The following GNG12 variants were observed in gnomAD, a reference collection of about 807,000 sequenced individuals.
The protein encoded by GNG12 is G protein subunit gamma 12, also known as guanine nucleotide-binding protein G(I)/G(S)/G(O) subunit gamma-12.
For synonymous variants in GNG12, 28 were observed against 29.7 expected (o/e 0.94, Z 0.19); for missense variants, 69 against 83.8 (o/e 0.82, Z 0.69).
chr1:67,729,359 C>T (rs1646405853), intron 2 of GNG12, among the ~76,000 whole-genome samples: 1 of 152,206 alleles, frequency 6.6e-6, no homozygotes, highest in Non-Finnish European at 1.5e-5. Flanking sequence ...CCTTCCTCTA[C>T]ACAGGAGGCC....
chr1:67,830,900 T>C (rs1260297231), intron 1 of GNG12, among the ~76,000 whole-genome samples: 2 of 152,172 alleles, frequency 1.3e-5, no homozygotes, highest in Non-Finnish European at 2.9e-5. Context: ...TAGATAAATA[T>C]CTAATAATTT....
intron 2 of GNG12, among the ~76,000 whole-genome samples, chr1:67,761,477 T>C (rs911554149): frequency 5.3e-5 from 8 of 152,156 alleles, no homozygotes; most frequent in Non-Finnish European, 8.8e-5. Context: ...CAGGCTCTCA[T>C]GAAGGGAATG....
chr1:67,777,537 A>T, intron 1 of GNG12, 30 bp from the exon 2 acceptor site: 1 of 524,704 alleles, frequency 1.9e-6, no homozygotes, highest in Non-Finnish European at 2.4e-6. Context: ...ACATTCCATA[A>T]GTAAATCACA....
At chr1:67,802,969 G>A (rs1442342227) in intron 1 of GNG12, among the ~76,000 whole-genome samples, 1 of 152,236 alleles carries the variant, frequency 6.6e-6, no homozygotes, top group Admixed American at 6.5e-5. Flanking sequence ...GCTAAGAGGT[G>A]TTAAGAGAGA....
At chr1:67,721,866 C>T (rs530501984) in intron 2 of GNG12, among the ~76,000 whole-genome samples, 1 of 152,208 alleles carries the variant, frequency 6.6e-6, no homozygotes, top group East Asian at 1.9e-4. Context: ...CATCAGCATT[C>T]CTGCTCTCTG....
At chr1:67,787,036 AGTGTGT>A (rs56084524) in intron 1 of GNG12, among the ~76,000 whole-genome samples, 1,371 of 131,404 alleles carry the variant, frequency 0.01, 8 homozygotes, top group African/African-American at 0.026. Flanking sequence ...TATGTGTATA[AGTGTGT>A]GTGTGTGTGT....
At chr1:67,828,532 G>A (rs1647024172) in intron 1 of GNG12, among the ~76,000 whole-genome samples, 1 of 152,182 alleles carries the variant, frequency 6.6e-6, no homozygotes, top group African/African-American at 2.4e-5. Flanking sequence ...GAGCAAGACT[G>A]TATACGGGAA....
chr1:67,765,144 T>C (rs1256789416), intron 2 of GNG12, among the ~76,000 whole-genome samples: 1 of 151,966 alleles, frequency 6.6e-6, no homozygotes, highest in Non-Finnish European at 1.5e-5. Flanking sequence ...ACTGAAAAAA[T>C]AACTTATAAT....
chr1:67,763,585 T>C (rs1438500221), intron 2 of GNG12, among the ~76,000 whole-genome samples: 8 of 151,484 alleles, frequency 5.3e-5, no homozygotes, highest in Admixed American at 1.3e-4. Flanking sequence ...CAAGTTAGAG[T>C]GCAGTGGTGC....
At chr1:67,751,771 T>C (rs1190845789) in intron 2 of GNG12, among the ~76,000 whole-genome samples, 1 of 152,210 alleles carries the variant, frequency 6.6e-6, no homozygotes, top group Non-Finnish European at 1.5e-5. Context: ...GAAAGAGTTA[T>C]CATGCAGATG....
chr1:67,757,715 G>A (rs1345743882), intron 2 of GNG12, among the ~76,000 whole-genome samples: 6 of 152,126 alleles, frequency 3.9e-5, no homozygotes, highest in Non-Finnish European at 8.8e-5. Flanking sequence ...CCTTTGATAT[G>A]TGTGATTTTG....
intron 1 of GNG12, among the ~76,000 whole-genome samples, chr1:67,780,966 T>C (rs1373206620): frequency 1.3e-5 from 2 of 152,234 alleles, no homozygotes; most frequent in Non-Finnish European, 2.9e-5. Flanking sequence ...ATTTCTACCC[T>C]GGAGTTCCAG....
chr1:67,815,366 A>G (rs539295637), intron 1 of GNG12, among the ~76,000 whole-genome samples: 2 of 152,360 alleles, frequency 1.3e-5, no homozygotes, highest in Admixed American at 6.5e-5. Context: ...CCTCTTGAAA[A>G]AACAATTTGC....
intron 2 of GNG12, among the ~76,000 whole-genome samples, chr1:67,722,705 T>C (rs1195823431): frequency 6.6e-6 from 1 of 151,908 alleles, no homozygotes; most frequent in Middle Eastern, 3.4e-3. Flanking sequence ...CCACCAAAGG[T>C]TTCTGAGCAG....
chr1:67,746,504 G>A (rs1177215915), intron 2 of GNG12, among the ~76,000 whole-genome samples: 1 of 152,066 alleles, frequency 6.6e-6, no homozygotes, highest in African/African-American at 2.4e-5. Context: ...GGCTTGTGCT[G>A]AGGAAGGCAT....
chr1:67,739,471 C>T (rs1646470893), intron 2 of GNG12, among the ~76,000 whole-genome samples: 1 of 152,120 alleles, frequency 6.6e-6, no homozygotes, highest in African/African-American at 2.4e-5. Context: ...AGACAGAAGA[C>T]AGAGGGCAGG....
chr1:67,730,209 G>A (rs1244005328), intron 2 of GNG12, among the ~76,000 whole-genome samples: 2 of 152,158 alleles, frequency 1.3e-5, no homozygotes, highest in African/African-American at 2.4e-5. Context: ...GTAAAAGAGT[G>A]AAAAAGGAGA....
intron 3 of GNG12, among the ~76,000 whole-genome samples, chr1:67,706,732 T>G (rs1295211663): frequency 2.6e-5 from 4 of 151,716 alleles, no homozygotes; most frequent in Middle Eastern, 3.2e-3. Flanking sequence ...CTTGGTTCAC[T>G]GCAACCTCTG....
intron 1 of GNG12, among the ~76,000 whole-genome samples, chr1:67,819,682 T>G (rs1412889247): frequency 6.6e-6 from 1 of 152,236 alleles, no homozygotes; most frequent in African/African-American, 2.4e-5. Flanking sequence ...ATCTGTTCTC[T>G]GTCTACTTCT....
Sources: gnomAD v4.1 joint callset for allele counts (sites outside exome capture counted in the v4.1 genomes callset) on GRCh38, gnomAD v4.1.1 for gene constraint, MANE v1.5 for transcripts, NCBI Gene and HGNC (gene_info 2026-07-23, HGNC 2026-07-21) for gene names.